DCC: variants seen among roughly 807,000 people sequenced by gnomAD.
DCC encodes netrin receptor DCC.
DCC carries 58 observed loss-of-function variants against 172.5 expected under a neutral mutation model. The observed-to-expected ratio is 0.34, with a 90% CI of 0.27 to 0.42. The LOEUF (loss-of-function observed/expected upper bound fraction) is 0.42, where lower values mean the gene tolerates loss of function less well. Among genes scored for constraint, DCC ranks in the 10% least tolerant of loss-of-function variants. DCC has a pLI of 1.00. For synonymous variants in DCC, 709 were observed against 644.5 expected, an observed-to-expected ratio of 1.10 and a Z score of -1.52; for missense variants, 1,740 against 1,791.0, an observed-to-expected ratio of 0.97 and a Z score of 0.51.
chr18:53,239,564 G>A (rs2056257874), intron 12 of DCC, among the ~76,000 whole-genome samples: 1 of 152,160 alleles, frequency 6.6e-6, no homozygotes. Context: ...AGAGAAAGGT[G>A]CACAGGGGCT....
At chr18:52,870,729 C>T (rs1234441701) in intron 2 of DCC, among the ~76,000 whole-genome samples, 1 of 131,710 alleles carries the variant, frequency 7.6e-6, no homozygotes, top group South Asian at 2.8e-4. Context: ...AATAGGACAG[C>T]TTAGGTTCAC....
intron 2 of DCC, among the ~76,000 whole-genome samples, chr18:52,903,433 C>A (rs2039837874): frequency 6.6e-6 from 1 of 152,146 alleles, no homozygotes; most frequent in East Asian, 1.9e-4. Flanking sequence ...TCTCAAACTC[C>A]TGTGCTCAAG....
intron 1 of DCC, among the ~76,000 whole-genome samples, chr18:52,556,135 C>T (rs988498906): frequency 1.3e-5 from 2 of 151,618 alleles, no homozygotes; most frequent in African/African-American, 4.8e-5. Flanking sequence ...GATGTAGCCC[C>T]TAAATACCAA....
intron 5 of DCC, among the ~76,000 whole-genome samples, chr18:52,973,426 C>T (rs1399723373): frequency 6.6e-6 from 1 of 152,056 alleles, no homozygotes; most frequent in Non-Finnish European, 1.5e-5. Context: ...TGTACAAATA[C>T]TGGTTACATA....
At chr18:52,344,479 G>A (rs1983794970) in intron 1 of DCC, among the ~76,000 whole-genome samples, 2 of 152,138 alleles carry the variant, frequency 1.3e-5, no homozygotes, top group South Asian at 4.1e-4. Context: ...CTCGCTTCCA[G>A]TTTCATACAT....
intron 9 of DCC, among the ~76,000 whole-genome samples, chr18:53,199,455 T>C (rs1463686495): frequency 6.6e-6 from 1 of 152,150 alleles, no homozygotes; most frequent in Non-Finnish European, 1.5e-5. Context: ...GTGCATGTAA[T>C]GTATCACATA....
chr18:52,657,144 C>T (rs1277410340), intron 1 of DCC, among the ~76,000 whole-genome samples: 1 of 152,160 alleles, frequency 6.6e-6, no homozygotes, highest in African/African-American at 2.4e-5. Flanking sequence ...GAGACAAAAA[C>T]CAAGCTGTTC....
At chr18:53,512,511 CTG>C (rs1482660992) in intron 27 of DCC, among the ~76,000 whole-genome samples, 7 of 147,128 alleles carry the variant, frequency 4.8e-5, no homozygotes, top group African/African-American at 1.8e-4. Context: ...TCAAATTACT[CTG>C]AGCTACGGGA....
At chr18:53,019,241 C>T (rs575512160) in intron 5 of DCC, among the ~76,000 whole-genome samples, 2 of 152,254 alleles carry the variant, frequency 1.3e-5, no homozygotes, top group African/African-American at 2.4e-5. Flanking sequence ...ACCTATGGCT[C>T]TGATAATTGA....
intron 27 of DCC, among the ~76,000 whole-genome samples, chr18:53,505,996 A>G (rs910265047): frequency 6.6e-6 from 1 of 152,224 alleles, no homozygotes; most frequent in African/African-American, 2.4e-5. Flanking sequence ...TATGCTTTAT[A>G]CTTTGTCACC....
At chr18:53,224,143 G>C (rs2055986211) in intron 12 of DCC, among the ~76,000 whole-genome samples, 1 of 152,142 alleles carries the variant, frequency 6.6e-6, no homozygotes, top group African/African-American at 2.4e-5. Flanking sequence ...GGTAAGTTCT[G>C]TGAAGAAAAT....
chr18:52,500,615 G>A (rs371437394), intron 1 of DCC, among the ~76,000 whole-genome samples: 16 of 152,176 alleles, frequency 1.1e-4, no homozygotes, highest in South Asian at 2.1e-4. Flanking sequence ...TTGTCTTTCC[G>A]TGTAAAAACT....
chr18:53,480,730 T>G (rs932061145), intron 25 of DCC: 4 of 152,158 alleles, frequency 2.6e-5, no homozygotes, highest in African/African-American at 4.8e-5. Context: ...ATAAAATCGG[T>G]ACTCCATTGT....
At chr18:53,123,418 G>C (rs756347737) in intron 7 of DCC, among the ~76,000 whole-genome samples, 2 of 152,010 alleles carry the variant, frequency 1.3e-5, no homozygotes, top group African/African-American at 2.4e-5. Context: ...GAAGCAGAGT[G>C]GGGGTGTGAA....
intron 12 of DCC, among the ~76,000 whole-genome samples, chr18:53,273,650 T>C (rs1425527551): frequency 1.3e-5 from 2 of 152,158 alleles, no homozygotes; most frequent in Non-Finnish European, 2.9e-5. Flanking sequence ...TGGGTTTCCA[T>C]GCCATTGAAA....
At chr18:53,260,030 T>C (rs2056575087) in intron 12 of DCC, among the ~76,000 whole-genome samples, 2 of 152,256 alleles carry the variant, frequency 1.3e-5, no homozygotes, top group African/African-American at 4.8e-5. Flanking sequence ...CATGTATTTC[T>C]CGTGCCATGG....
intron 1 of DCC, among the ~76,000 whole-genome samples, chr18:52,741,062 C>A (rs2036815201): frequency 6.6e-6 from 1 of 152,178 alleles, no homozygotes; most frequent in South Asian, 2.1e-4. Context: ...GGTCTCCTGA[C>A]CCTTGTGCTG....
At chr18:52,970,609 T>C (rs532429454) in intron 5 of DCC, among the ~76,000 whole-genome samples, 35 of 152,312 alleles carry the variant, frequency 2.3e-4, no homozygotes, top group Admixed American at 1.3e-3. Flanking sequence ...AGCATTGTTA[T>C]CTACTAAATA....
intron 1 of DCC, among the ~76,000 whole-genome samples, chr18:52,691,782 C>T (rs752606215): frequency 5.9e-5 from 9 of 152,152 alleles, no homozygotes; most frequent in Non-Finnish European, 1.2e-4. Context: ...TCACCACATG[C>T]TTTCTTCCCA....
Sources: gnomAD v4.1 joint callset for allele counts (sites outside exome capture counted in the v4.1 genomes callset) on GRCh38, gnomAD v4.1.1 for gene constraint, MANE v1.5 for transcripts, NCBI Gene and HGNC (gene_info 2026-07-23, HGNC 2026-07-21) for gene names.